KCND2: variants seen among roughly 807,000 people sequenced by gnomAD.
KCND2 encodes the protein potassium voltage-gated channel subfamily D member 2.
A neutral mutation model predicts 54.4 loss-of-function variants in KCND2; 16 were observed. The observed-to-expected ratio is 0.29, with a 90% CI of 0.20 to 0.45. The LOEUF (loss-of-function observed/expected upper bound fraction) is 0.45, where lower values mean the gene tolerates loss of function less well. KCND2 is among the 20% of genes least tolerant of loss of function. KCND2 has a pLI of 1.00. For missense variants in KCND2, 486 were observed against 824.2 expected (o/e 0.59, Z 5.02); for synonymous variants, 317 against 310.7 (o/e 1.02, Z -0.21).
chr7:120,392,471 T>C lies in KCND2; in HGVS notation c.1115+116724T>C, dbSNP rs546501986. On this transcript the variant is annotated intron_variant, in intron 1 of 5. Coordinates refer to ENST00000331113, the MANE Select transcript of KCND2 (RefSeq NM_012281.3). ...TTTTTAGTTCTGTGATGAAGAAAGT[T>C]GATTTTACAAAAGTTCTTTGTTTAT... Among the ~76,000 whole-genome samples, 155 of 151,610 alleles carry C rather than the reference T, an allele frequency of 1.0e-3. 1 individual carries two copies. Among genetic ancestry groups the C allele is most frequent in the African/African-American group, 3.7e-3 (152 of 41,488 alleles).
chr7:120,401,641 G>C (rs561716281), intron 1 of KCND2, among the ~76,000 whole-genome samples: 1 of 152,198 alleles, frequency 6.6e-6, no homozygotes. Flanking sequence ...TTTATAAGGC[G>C]TCAGTCCTCT....
chr7:120,337,233 T>G (rs1800164883), intron 1 of KCND2, among the ~76,000 whole-genome samples: 1 of 152,200 alleles, frequency 6.6e-6, no homozygotes, highest in Non-Finnish European at 1.5e-5. Flanking sequence ...ATTCTTTTTA[T>G]TTATTTAGTC....
At chr7:120,535,228 A>G (rs1199732802) in intron 1 of KCND2, among the ~76,000 whole-genome samples, 1 of 152,144 alleles carries the variant, frequency 6.6e-6, no homozygotes, top group Non-Finnish European at 1.5e-5. Context: ...CATTCTGTGC[A>G]CTTTTCTCAT....
chr7:120,287,173 T>A (rs1799357931), intron 1 of KCND2, among the ~76,000 whole-genome samples: 1 of 152,108 alleles, frequency 6.6e-6, no homozygotes, highest in African/African-American at 2.4e-5. Flanking sequence ...ATATTTTTGA[T>A]TGGGCTATAC....
chr7:120,454,011 G>A (rs1802158060), intron 1 of KCND2, among the ~76,000 whole-genome samples: 1 of 152,218 alleles, frequency 6.6e-6, no homozygotes, highest in African/African-American at 2.4e-5. Context: ...ATGAACCCAG[G>A]AGGCAGAAGT....
In KCND2 at chr7:120,747,840, C is replaced by T; in HGVS notation, c.1875C>T (p.Val625=). ...ESPEYSGGNI[V]RVSAL ...CTGAGTACTCAGGAGGAAATATTGTCAGAGTTTCTGCTTTGTAAGACAATT... is the reference window on the plus strand; with the variant it reads ...CTGAGTACTCAGGAGGAAATATTGTTAGAGTTTCTGCTTTGTAAGACAATT... Residue 625 remains valine, a synonymous_variant, in exon 6 of 6, where the codon GTC becomes GTT. Transcript: ENST00000331113. 3 of 1,611,762 alleles carry T rather than the reference C, an allele frequency of 1.9e-6. No homozygotes were observed. Among genetic ancestry groups the T allele is most frequent in the Non-Finnish European group, 1.7e-6 (2 of 1,178,528 alleles).
In KCND2 at chr7:120,357,040, C is replaced by T. The variant is rs944454777; in HGVS notation, c.1115+81293C>T. On this transcript the variant is annotated intron_variant, in intron 1 of 5. Coordinates refer to ENST00000331113, the MANE Select transcript of KCND2 (RefSeq NM_012281.3). ...CATAGTAAGCTCTTTATTTTCCCAT[C>T]CTCCATATTTCATGAGCTCCTTCAG... 5.3e-5 allele frequency among the ~76,000 whole-genome samples: 8 copies of T among 152,216 alleles called. No individual in the cohort carries two copies. In the South Asian group the frequency reaches 1.5e-3, roughly 28 times the overall value.
At chr7:120,277,047 A>G (rs1317080463) in intron 1 of KCND2, among the ~76,000 whole-genome samples, 1 of 152,110 alleles carries the variant, frequency 6.6e-6, no homozygotes, top group Non-Finnish European at 1.5e-5. Flanking sequence ...ACTTAATTTT[A>G]TTAGACATAT....
intron 1 of KCND2, among the ~76,000 whole-genome samples, chr7:120,351,065 T>G (rs1054122414): frequency 2.0e-5 from 3 of 151,750 alleles, no homozygotes; most frequent in African/African-American, 7.2e-5. Context: ...CCTTATAGAA[T>G]TATTATCTAC....
rs571767190 is a variant in KCND2, at chr7:120,424,710, C to T, written c.1115+148963C>T. 5.3e-5 allele frequency among the ~76,000 whole-genome samples: 8 copies of T among 152,182 alleles called. No individual in the cohort carries two copies. The South Asian group carries it at 1.7e-3, about 32-fold the overall frequency. On this transcript the variant is annotated intron_variant, in intron 1 of 5. Coordinates refer to ENST00000331113, the MANE Select transcript of KCND2 (RefSeq NM_012281.3). ...ACTTCATACTCAGAGTCCACAAATCCCCTGTAAGACATTTGAACCTAGCTA... is the reference window on the plus strand; with the variant it reads ...ACTTCATACTCAGAGTCCACAAATCTCCTGTAAGACATTTGAACCTAGCTA...
chr7:120,275,947 T>C (rs998587771), intron 1 of KCND2, among the ~76,000 whole-genome samples, 200 bp downstream of exon 1: 16 of 152,218 alleles, frequency 1.1e-4, no homozygotes, highest in Non-Finnish European at 2.2e-4. Flanking sequence ...AAGGCATTGC[T>C]GGCAAATGTT....
chr7:120,635,769 A>G (rs1280239256), intron 1 of KCND2, among the ~76,000 whole-genome samples: 4 of 152,204 alleles, frequency 2.6e-5, no homozygotes, highest in African/African-American at 9.7e-5. Context: ...TAAGAACTAC[A>G]TGATGTAGAT....
At chr7:120,747,381 A>G (rs1793020198) in intron 5 of KCND2, among the ~76,000 whole-genome samples, 1 of 152,134 alleles carries the variant, frequency 6.6e-6, no homozygotes, top group Non-Finnish European at 1.5e-5. Flanking sequence ...TTCTTTGCTC[A>G]GCCCAGGCTG....
chr7:120,464,125 T>G (rs1802331632), intron 1 of KCND2: 1 of 957,612 alleles, frequency 1.0e-6, no homozygotes, highest in Non-Finnish European at 1.2e-6. Flanking sequence ...TAGCTATCAT[T>G]TAGACTATAC....
intron 1 of KCND2, among the ~76,000 whole-genome samples, chr7:120,296,505 AC>A (rs1799515849): frequency 6.6e-6 from 1 of 152,138 alleles, no homozygotes; most frequent in African/African-American, 2.4e-5. Flanking sequence ...ATTTTTATAA[AC>A]CAGAATTCAA....
At chr7:120,313,112 T>A (rs1440979476) in intron 1 of KCND2, among the ~76,000 whole-genome samples, 1 of 152,154 alleles carries the variant, frequency 6.6e-6, no homozygotes, top group African/African-American at 2.4e-5. Context: ...GGGCCAAACA[T>A]TGTCTGCTCT....
chr7:120,694,275 G>A (rs1792307090), intron 1 of KCND2, among the ~76,000 whole-genome samples: 1 of 152,134 alleles, frequency 6.6e-6, no homozygotes. Flanking sequence ...ACCTCAGCTT[G>A]ATATTTTAGG....
chr7:120,290,152 A>G (rs73213475), intron 1 of KCND2, among the ~76,000 whole-genome samples: 241 of 152,118 alleles, frequency 1.6e-3, no homozygotes, highest in Non-Finnish European at 2.7e-3. Flanking sequence ...TTTGCCGATC[A>G]TGGATGCTGA....
At chr7:120,373,356 A>C (rs570694135) in intron 1 of KCND2, among the ~76,000 whole-genome samples, 10 of 151,994 alleles carry the variant, frequency 6.6e-5, no homozygotes, top group African/African-American at 2.4e-4. Context: ...ATAAACTGGC[A>C]CAATACAATC....
Sources: gnomAD v4.1 joint callset for allele counts (sites outside exome capture counted in the v4.1 genomes callset) on GRCh38, gnomAD v4.1.1 for gene constraint, MANE v1.5 for transcripts, NCBI Gene and HGNC (gene_info 2026-07-23, HGNC 2026-07-21) for gene names.